PFKFB2: variants seen among roughly 807,000 people sequenced by gnomAD.
The protein encoded by PFKFB2 is 6-phosphofructo-2-kinase/fructose-2,6-biphosphatase 2.
In PFKFB2, 53 loss-of-function variants were observed where a neutral mutation model predicts 68.0. That is an observed-to-expected ratio of 0.78 (90% confidence interval 0.63 to 0.98). The LOEUF (loss-of-function observed/expected upper bound fraction) is 0.98, where lower values mean the gene tolerates loss of function less well. Ranked by LOEUF, PFKFB2 falls within the 50% of genes least tolerant of loss-of-function variation. The pLI, the probability that PFKFB2 is intolerant of heterozygous loss-of-function variation, is 0.00. For missense variants in PFKFB2, 451 were observed against 642.0 expected (o/e 0.70, Z 3.22); for synonymous variants, 222 against 227.6 (o/e 0.98, Z 0.22).
In PFKFB2 at chr1:207,073,810, T is replaced by A. The variant is rs1454613448; in HGVS notation, c.*1439T>A. The A allele has an allele frequency of 1.0e-6, 1 of 985,424 alleles. No individual in the cohort carries two copies. The highest frequency in any genetic ancestry group is 1.1e-4 in the East Asian group (1 of 8,810). The allele number at this position is 985,424 out of a possible 1,614,324, so 61.0% of individuals were successfully genotyped here. A position where few individuals can be genotyped will look rare whatever the true frequency, so the allele number is the denominator to read the frequency against. ...GCTTATTCTCTTTCCCAATTTTGCA[T>A]GCAAAATGTACGAATATATGTATGT... is the stretch of plus-strand genomic sequence containing the variant. On this transcript the variant is annotated 3_prime_UTR_variant, in exon 15 of 15. Coordinates refer to ENST00000367080, the MANE Select transcript of PFKFB2 (RefSeq NM_006212.2).
chr1:207,064,955 T>C, intron 7 of PFKFB2, 81 bp from the exon 8 acceptor site: 1 of 1,498,352 alleles, frequency 6.7e-7, no homozygotes, highest in Non-Finnish European at 9.0e-7. Context: ...TTCTTTTTCT[T>C]TTTTTTAGCA....
Position 207,074,038 on chromosome 1 carries a change from G to A in PFKFB2, c.*1667G>A, listed in dbSNP as rs1208114452. On this transcript the variant is annotated 3_prime_UTR_variant, in exon 15 of 15. Transcript: ENST00000367080. ...ATTCCTTAGAATTGCCTTTAGGATT[G>A]TTGAATCATAAACATGCCTGTGTCC... The A allele has an allele frequency of 9.6e-6, 9 of 935,908 alleles. No individual in the cohort carries two copies. In the South Asian group the frequency reaches 3.4e-4, roughly 36 times the overall value. The allele number at this position is 935,908 out of a possible 1,614,324, so 58.0% of individuals were successfully genotyped here. A position where few individuals can be genotyped will look rare whatever the true frequency, so the allele number is the denominator to read the frequency against.
intron 2 of PFKFB2, among the ~76,000 whole-genome samples, chr1:207,058,323 G>A (rs1291578960): frequency 6.6e-6 from 1 of 152,156 alleles, no homozygotes; most frequent in Non-Finnish European, 1.5e-5. Context: ...GACGTCCTGG[G>A]TCCTGAAAAG....
chr1:207,069,466 T>C lies in PFKFB2; in HGVS notation c.1030T>C (p.Tyr344His). The change falls in exon 11 of 15, where the codon TAC becomes CAC. Residue 344 changes from tyrosine (Y) to histidine (H), a missense_variant. Coordinates refer to ENST00000367080, the MANE Select transcript of PFKFB2 (RefSeq NM_006212.2). ...EMTYAEIEKRYPEEFALRDQE... is the reference protein window; with the variant it reads ...EMTYAEIEKRHPEEFALRDQE... ...GACCTATGCAGAGATTGAGAAACGG[T>C]ACCCAGAAGAGTTTGCACTTCGAGA... 1.2e-6 allele frequency: 2 copies of C among 1,614,096 alleles called. No individual in the cohort carries two copies. The highest frequency in any genetic ancestry group is 1.7e-6 in the Non-Finnish European group (2 of 1,179,942).
chr1:207,068,385 CAG>C, intron 10 of PFKFB2, 76 bp downstream of exon 10: 1 of 1,290,664 alleles, frequency 7.7e-7, no homozygotes, highest in Non-Finnish European at 1.0e-6. Flanking sequence ...ACTATTTAGA[CAG>C]TTTTATCTAG....
chr1:207,076,019 A>AT lies in PFKFB2; in HGVS notation c.*3649dup, dbSNP rs1006263781. ...TTGCATTGTGCTAGGGATCTGCCCTATATCTTTGCCTCTGGTGTTTCGTTG... is the reference window on the plus strand; with the variant it reads ...TTGCATTGTGCTAGGGATCTGCCCTATTATCTTTGCCTCTGGTGTTTCGTTG... On this transcript the variant is annotated 3_prime_UTR_variant, in exon 15 of 15. Coordinates refer to ENST00000367080, the MANE Select transcript of PFKFB2 (RefSeq NM_006212.2). 2 of 985,266 alleles carry AT rather than the reference A, an allele frequency of 2.0e-6. No individual in the cohort carries two copies. The highest frequency in any genetic ancestry group is 3.5e-5 in the African/African-American group (2 of 57,230). 61.0% of individuals were successfully genotyped at this position (985,266 alleles called of 1,614,324 possible).
upstream of PFKFB2, chr1:207,051,141 C>A: frequency 7.0e-7 from 1 of 1,422,088 alleles, no homozygotes; most frequent in South Asian, 1.5e-5. Context: ...TTTCCCCCAC[C>A]CTCAGAACGA....
intron 1 of PFKFB2, among the ~76,000 whole-genome samples, chr1:207,039,701 G>A (rs1682442324): frequency 6.6e-6 from 1 of 152,164 alleles, no homozygotes; most frequent in Non-Finnish European, 1.5e-5. Context: ...GAAAGGTGCT[G>A]CTGAGGACTT....
chr1:207,049,531 G>C (rs962716600), upstream of PFKFB2: 5 of 1,614,158 alleles, frequency 3.1e-6, no homozygotes, highest in Non-Finnish European at 3.4e-6. Context: ...CATCTCAGGG[G>C]CACAAGCTGG....
Position 207,076,310 on chromosome 1 carries a change from G to A in PFKFB2, c.*3939G>A. The A allele has an allele frequency of 2.0e-6, 2 of 980,376 alleles. No individual in the cohort carries two copies. The highest frequency in any genetic ancestry group is 2.4e-6 in the Non-Finnish European group (2 of 827,572). The allele number at this position is 980,376 out of a possible 1,614,324, so 60.7% of individuals were successfully genotyped here. A position where few individuals can be genotyped will look rare whatever the true frequency, so the allele number is the denominator to read the frequency against. ...AATTGACAGAAACTCATTGGTGGTTGGAGTGGCCAATGGGCACGGGAAAAA... is the reference window on the plus strand; with the variant it reads ...AATTGACAGAAACTCATTGGTGGTTAGAGTGGCCAATGGGCACGGGAAAAA... On this transcript the variant is annotated 3_prime_UTR_variant, in exon 15 of 15. Transcript: ENST00000367080.
intron 1 of PFKFB2, among the ~76,000 whole-genome samples, chr1:207,039,539 TAAAC>T (rs1381434747): frequency 6.6e-6 from 1 of 152,238 alleles, no homozygotes; most frequent in Non-Finnish European, 1.5e-5. Context: ...CAGTTCTAAA[TAAAC>T]CCTGACAAAT....
In PFKFB2 at chr1:207,077,411, A is replaced by T. The variant is rs1302202185; in HGVS notation, c.*5040A>T. The T allele has an allele frequency of 2.0e-6, 2 of 985,128 alleles. No individual in the cohort carries two copies. Among genetic ancestry groups the T allele is most frequent in the Non-Finnish European group, 2.4e-6 (2 of 829,780 alleles). The allele number at this position is 985,128 out of a possible 1,614,324, so 61.0% of individuals were successfully genotyped here. A position where few individuals can be genotyped will look rare whatever the true frequency, so the allele number is the denominator to read the frequency against. ...TCTGTGACCAATGTTTACCTACGCA[A>T]TGTTTTTGTATCTGAATTGCTTATG... On this transcript the variant is annotated 3_prime_UTR_variant, in exon 15 of 15. Transcript: ENST00000367080.
upstream of PFKFB2, chr1:207,052,307 G>A (rs2102331570): frequency 7.7e-7 from 1 of 1,300,596 alleles, no homozygotes; most frequent in Non-Finnish European, 1.1e-6. Flanking sequence ...CAAGACGACT[G>A]CAACGGATGA....
chr1:207,064,997 G>T, intron 7 of PFKFB2, 39 bp from the exon 8 acceptor site: 1 of 1,606,200 alleles, frequency 6.2e-7, no homozygotes, highest in South Asian at 1.1e-5. Context: ...GTTACGGGCA[G>T]ACCTCTGATG....
chr1:207,050,326 G>T (rs1572710895), upstream of PFKFB2, among the ~76,000 whole-genome samples: 1 of 152,244 alleles, frequency 6.6e-6, no homozygotes, highest in East Asian at 1.9e-4. Flanking sequence ...GCACCCTTGA[G>T]ATCTCATCGG....
Position 207,076,179 on chromosome 1 carries a change from G to A in PFKFB2, c.*3808G>A. On this transcript the variant is annotated 3_prime_UTR_variant, in exon 15 of 15. Coordinates refer to ENST00000367080, the MANE Select transcript of PFKFB2 (RefSeq NM_006212.2). ...CTTTGCAACCCACATTTGGTCTTCA[G>A]AGACACTGGCATTTTGAAGAAACAT... The A allele has an allele frequency of 2.0e-6, 2 of 984,256 alleles. No individual in the cohort carries two copies. Among genetic ancestry groups the A allele is most frequent in the African/African-American group, 1.7e-5 (1 of 57,242 alleles). The allele number at this position is 984,256 out of a possible 1,614,324, so 61.0% of individuals were successfully genotyped here. A position where few individuals can be genotyped will look rare whatever the true frequency, so the allele number is the denominator to read the frequency against.
chr1:207,057,302 C>A (rs981467853), intron 2 of PFKFB2, among the ~76,000 whole-genome samples: 51 of 40,350 alleles, frequency 1.3e-3, no homozygotes, highest in South Asian at 3.3e-3. Context: ...AAAAAAACTA[C>A]AAAAAAAAAA....
At position 207,054,808 on chromosome 1, in the gene PFKFB2, T is replaced by C. The variant is rs562569198; in HGVS notation, c.85+6T>C. 7 of 1,605,524 alleles carry C rather than the reference T, an allele frequency of 4.4e-6. No homozygotes were observed. In the South Asian group the frequency reaches 7.8e-5, roughly 18 times the overall value. ...AATGTCAGAGAAGAAATGTTGTGAG[T>C]TCTGGCAGAGAGGAGGGACTGCTCT... On this transcript the variant is annotated splice_donor_region_variant and intron_variant, in intron 2 of 14. Coordinates refer to ENST00000367080, the MANE Select transcript of PFKFB2 (RefSeq NM_006212.2).
chr1:207,063,483 G>T lies in PFKFB2; in HGVS notation c.450+62G>T. 15 of 1,122,968 alleles carry T rather than the reference G, an allele frequency of 1.3e-5. No homozygotes were observed. The highest frequency in any genetic ancestry group is 2.0e-5 in the Non-Finnish European group (15 of 745,156). The allele number at this position is 1,122,968 out of a possible 1,614,324, so 69.6% of individuals were successfully genotyped here. On this transcript the variant is annotated intron_variant, in intron 6 of 14. Coordinates refer to ENST00000367080, the MANE Select transcript of PFKFB2 (RefSeq NM_006212.2). The surrounding 1 kb of genome is among the most constrained non-coding windows in gnomAD (Gnocchi z 4.1). ...GTAGAGGTGGGGAGTCAGGCTACAG[G>T]CATGGATCTCTCACTCTAGTGGGTG... is the stretch of plus-strand genomic sequence containing the variant.
Sources: allele counts gnomAD v4.1 joint callset (sites outside exome capture counted in the v4.1 genomes callset), GRCh38; gene constraint gnomAD v4.1.1; non-coding constraint Gnocchi (gnomAD v3.1); transcripts MANE v1.5; gene names NCBI Gene and HGNC (gene_info 2026-07-23, HGNC 2026-07-21).